LRP1B: variants seen among roughly 807,000 people sequenced by gnomAD.
LRP1B encodes the protein low-density lipoprotein receptor-related protein 1B.
In LRP1B, 217 loss-of-function variants were observed where a neutral mutation model predicts 556.6. The ratio of observed to expected loss-of-function variants is 0.39; its 90% CI spans 0.35 to 0.44. The LOEUF (loss-of-function observed/expected upper bound fraction) is 0.44. Ranked by LOEUF, LRP1B falls within the 20% of genes least tolerant of loss-of-function variation. LRP1B has a pLI of 1.00. For missense variants in LRP1B, 5,053 were observed against 5,620.8 expected (o/e 0.90, Z 3.23); for synonymous variants, 2,047 against 1,865.8 (o/e 1.10, Z -2.50).
chr2:142,054,125 C>T (rs964695642), intron 1 of LRP1B, among the ~76,000 whole-genome samples: 1 of 152,072 alleles, frequency 6.6e-6, no homozygotes, highest in Non-Finnish European at 1.5e-5. Context: ...CGGGAGAAAA[C>T]ATTGAAATCT....
chr2:141,049,017 A>G lies in LRP1B; in HGVS notation c.1758T>C (p.Asp586=). The change falls in exon 11 of 91, where the codon GAT becomes GAC. Residue 586 remains aspartate (D), a synonymous_variant. Coordinates refer to ENST00000389484, the MANE Select transcript of LRP1B (RefSeq NM_018557.3). ...TSFLIGRQKI[D]GTERETILKD... ...TCAGGATGGTTTCTCTCTCTGTGCC[A>G]TCTATCTTCTGCCGGCCAATTAGGA... The G allele has an allele frequency of 6.2e-7, 1 of 1,613,446 alleles. No homozygotes were observed. The highest frequency in any genetic ancestry group is 8.5e-7 in the Non-Finnish European group (1 of 1,179,576).
At chr2:141,038,830 T>C (rs2105428073) in intron 11 of LRP1B, among the ~76,000 whole-genome samples, 1 of 152,206 alleles carries the variant, frequency 6.6e-6, no homozygotes, top group Middle Eastern at 3.4e-3. Context: ...TAATGCTAAG[T>C]ATGATAAAGT....
chr2:141,049,418 T>G (rs1698972714), intron 10 of LRP1B, among the ~76,000 whole-genome samples, 196 bp from the exon 11 acceptor site: 1 of 152,096 alleles, frequency 6.6e-6, no homozygotes, highest in African/African-American at 2.4e-5. Context: ...AGAAATTACT[T>G]CCGCAAATGG....
At chr2:140,611,398 C>A (rs1279030555) in intron 41 of LRP1B, among the ~76,000 whole-genome samples, 1 of 151,732 alleles carries the variant, frequency 6.6e-6, no homozygotes. Flanking sequence ...TAGAAAATAT[C>A]AAATTTTGAT....
At chr2:140,676,568 T>C (rs1333623656) in intron 41 of LRP1B, among the ~76,000 whole-genome samples, 1 of 152,190 alleles carries the variant, frequency 6.6e-6, no homozygotes, top group Non-Finnish European at 1.5e-5. Flanking sequence ...AGTTTGCTGC[T>C]TTCATTACAA....
intron 1 of LRP1B, among the ~76,000 whole-genome samples, chr2:141,887,076 A>G (rs892572078): frequency 6.6e-6 from 1 of 150,862 alleles, no homozygotes; most frequent in Non-Finnish European, 1.5e-5. Context: ...GCTCACTGCA[A>G]CCTCCACCTG....
At chr2:141,332,435 C>G (rs182381285) in intron 3 of LRP1B, among the ~76,000 whole-genome samples, 11 of 140,882 alleles carry the variant, frequency 7.8e-5, no homozygotes, top group African/African-American at 2.8e-4. Flanking sequence ...GATTGCTTCT[C>G]CCATATCTAA....
At chr2:141,733,197 TTTTCA>T (rs756511348) in intron 2 of LRP1B, among the ~76,000 whole-genome samples, 2 of 152,158 alleles carry the variant, frequency 1.3e-5, no homozygotes, top group Non-Finnish European at 1.5e-5. Flanking sequence ...AATAGTCTGA[TTTTCA>T]TTTGTGTTTT....
Position 140,604,897 on chromosome 2 carries a change from C to T in LRP1B, c.6800-3258G>A, listed in dbSNP as rs118101291. Among the ~76,000 whole-genome samples the T allele has an allele frequency of 7.2e-5, 11 of 152,264 alleles. No homozygotes were observed. The East Asian group carries it at 1.9e-3, about 27-fold the overall frequency. On this transcript the variant is annotated intron_variant, in intron 41 of 90. Coordinates refer to ENST00000389484, the MANE Select transcript of LRP1B (RefSeq NM_018557.3). ...AGTTCCACTGCACACACCCTCTTGCCTGTCACCATGTAAGATGTGCCTTTG... is the reference window on the plus strand; with the variant it reads ...AGTTCCACTGCACACACCCTCTTGCTTGTCACCATGTAAGATGTGCCTTTG...
At chr2:140,611,957 A>C (rs1399046800) in intron 41 of LRP1B, among the ~76,000 whole-genome samples, 5 of 152,106 alleles carry the variant, frequency 3.3e-5, no homozygotes, top group African/African-American at 1.2e-4. Flanking sequence ...AATAAAATTG[A>C]CCTTAAAATG....
At chr2:140,855,010 A>T (rs533557311) in intron 27 of LRP1B, among the ~76,000 whole-genome samples, 1 of 152,300 alleles carries the variant, frequency 6.6e-6, no homozygotes, top group South Asian at 2.1e-4. Context: ...CTGATAGCTC[A>T]TATTGTCTAA....
intron 35 of LRP1B, among the ~76,000 whole-genome samples, chr2:140,746,880 A>C (rs1316643886): frequency 6.6e-6 from 1 of 152,174 alleles, no homozygotes; most frequent in Non-Finnish European, 1.5e-5. Context: ...CAAGAAGGAA[A>C]AAAAAATCAA....
In LRP1B at chr2:140,280,897, T is replaced by C. The variant is rs1333373939; in HGVS notation, c.12968-6299A>G. On this transcript the variant is annotated intron_variant, in intron 84 of 90. Coordinates refer to ENST00000389484, the MANE Select transcript of LRP1B (RefSeq NM_018557.3). ...TACACAACCCTTTATATTCACAATA[T>C]AAAAATTTTTATAACCTCTGTTAGG... Among the ~76,000 whole-genome samples, 28 of 151,788 alleles carry C rather than the reference T, an allele frequency of 1.8e-4. No homozygotes were observed. The Admixed American group carries it at 1.8e-3, about 10-fold the overall frequency.
intron 41 of LRP1B, among the ~76,000 whole-genome samples, chr2:140,613,423 AT>A (rs1683150652): frequency 6.9e-6 from 1 of 145,098 alleles, no homozygotes. Flanking sequence ...ATATAAATAT[AT>A]ATATAATTAT....
chr2:140,854,549 T>G (rs1692558132), intron 27 of LRP1B, among the ~76,000 whole-genome samples: 1 of 152,244 alleles, frequency 6.6e-6, no homozygotes, highest in African/African-American at 2.4e-5. Flanking sequence ...CAGCTACCTA[T>G]TCTATTCCAA....
chr2:141,285,619 C>T (rs1397919183), intron 3 of LRP1B, among the ~76,000 whole-genome samples: 1 of 147,970 alleles, frequency 6.8e-6, no homozygotes, highest in African/African-American at 2.5e-5. Flanking sequence ...CCAAGGCCGG[C>T]TGATTTTTTT....
At chr2:141,362,068 G>C (rs925878156) in intron 3 of LRP1B, among the ~76,000 whole-genome samples, 1 of 152,122 alleles carries the variant, frequency 6.6e-6, no homozygotes, top group East Asian at 1.9e-4. Flanking sequence ...CCTATTACTT[G>C]TGTAGAGTAT....
At chr2:140,473,156 T>A (rs988494933) in intron 60 of LRP1B, among the ~76,000 whole-genome samples, 1 of 151,982 alleles carries the variant, frequency 6.6e-6, no homozygotes, top group Admixed American at 6.6e-5. Context: ...TTGGCATAAT[T>A]CAGGCTGGCT....
chr2:140,627,054 A>C (rs1683689934), intron 41 of LRP1B, among the ~76,000 whole-genome samples: 1 of 152,164 alleles, frequency 6.6e-6, no homozygotes. Context: ...TGAATATGAA[A>C]ACTGAAGTCC....
Sources: gnomAD v4.1 joint callset for allele counts (sites outside exome capture counted in the v4.1 genomes callset) on GRCh38, gnomAD v4.1.1 for gene constraint, MANE v1.5 for transcripts, NCBI Gene and HGNC (gene_info 2026-07-23, HGNC 2026-07-21) for gene names.